The following HECW2 variants were observed in gnomAD, a reference collection of about 807,000 sequenced individuals.
HECW2 encodes HECT, C2 and WW domain containing E3 ubiquitin protein ligase 2.
HECW2 carries 61 observed loss-of-function variants against 175.2 expected under a neutral mutation model. The observed-to-expected ratio is 0.35, with a 90% CI of 0.28 to 0.43. The LOEUF is 0.43. Among genes scored for constraint, HECW2 ranks in the 20% least tolerant of loss-of-function variants. The probability of loss-of-function intolerance (pLI) is 1.00; values close to 1 mark genes in which losing one functional copy is unlikely to be tolerated. For synonymous variants in HECW2, 671 were observed against 731.0 expected (o/e 0.92, Z 1.32); for missense variants, 1,524 against 2,000.5 (o/e 0.76, Z 4.54).
intron 2 of HECW2, among the ~76,000 whole-genome samples, chr2:196,374,812 G>T (rs1007842861): frequency 6.6e-6 from 1 of 151,220 alleles, no homozygotes; most frequent in South Asian, 2.1e-4. Flanking sequence ...ATAGACGTGG[G>T]ATACATCCAG....
intron 2 of HECW2, among the ~76,000 whole-genome samples, chr2:196,420,005 T>C (rs1289025012): frequency 3.9e-5 from 6 of 152,132 alleles, no homozygotes; most frequent in African/African-American, 1.4e-4. Flanking sequence ...GCTAAGAAAA[T>C]GTGATCATTT....
intron 19 of HECW2, among the ~76,000 whole-genome samples, chr2:196,246,069 T>A (rs1015676830): frequency 6.6e-6 from 1 of 152,140 alleles, no homozygotes; most frequent in Non-Finnish European, 1.5e-5. Context: ...GTGAAACACA[T>A]GGGCAGCATC....
intron 1 of HECW2, among the ~76,000 whole-genome samples, chr2:196,580,654 CAAAAAA>C (rs56875271): frequency 1.1e-5 from 1 of 91,970 alleles, no homozygotes; most frequent in African/African-American, 3.6e-5. Context: ...GCTACAATGG[CAAAAAA>C]AAAAAAAAAA....
At chr2:196,444,938 A>G (rs1048579697) in intron 1 of HECW2, among the ~76,000 whole-genome samples, 2 of 152,146 alleles carry the variant, frequency 1.3e-5, no homozygotes, top group Non-Finnish European at 2.9e-5. Flanking sequence ...TCTCCCTGCA[A>G]ATTTATCTAT....
intron 2 of HECW2, among the ~76,000 whole-genome samples, chr2:196,392,469 T>A (rs1694542406): frequency 6.7e-6 from 1 of 150,176 alleles, no homozygotes; most frequent in Non-Finnish European, 1.5e-5. Context: ...TAAGGAAGTG[T>A]GGTACATTAA....
At chr2:196,225,682 A>C (rs772106441) in intron 23 of HECW2, 90 bp downstream of exon 23, 22 of 789,848 alleles carry the variant, frequency 2.8e-5, no homozygotes, top group Non-Finnish European at 4.8e-5. Flanking sequence ...TTGTGAACAG[A>C]TAAACAATGA....
At chr2:196,272,482 G>C (rs1221747875) in intron 16 of HECW2, among the ~76,000 whole-genome samples, 3 of 152,210 alleles carry the variant, frequency 2.0e-5, no homozygotes, top group African/African-American at 4.8e-5. Flanking sequence ...AACTAGGACA[G>C]AGTGTCTAAA....
Position 196,256,739 on chromosome 2 carries a change from G to A in HECW2, c.3419+1084C>T, listed in dbSNP as rs543625914. On this transcript the variant is annotated intron_variant, in intron 18 of 28. Transcript: ENST00000644978. ...ACGTTAATTGACCAGTAGTCTTCCT[G>A]ACCACCTAGCATACTATATGCTGGT... 2.0e-3 allele frequency among the ~76,000 whole-genome samples: 307 copies of A among 152,238 alleles called. No homozygotes were observed. The Middle Eastern group carries it at 0.034, about 17-fold the overall frequency.
chr2:196,208,862 T>C (rs1575221844), intron 28 of HECW2, among the ~76,000 whole-genome samples: 1 of 152,160 alleles, frequency 6.6e-6, no homozygotes, highest in East Asian at 1.9e-4. Flanking sequence ...CTGGATTTTA[T>C]TCTAAGCCAC....
intron 1 of HECW2, among the ~76,000 whole-genome samples, chr2:196,574,434 A>AT (rs1690492269): frequency 6.6e-6 from 1 of 152,108 alleles, no homozygotes; most frequent in Admixed American, 6.6e-5. Context: ...TGTCTCAAGA[A>AT]GAAAAAAAAA....
chr2:196,321,464 T>C (rs1420673263), intron 7 of HECW2, among the ~76,000 whole-genome samples: 2 of 151,036 alleles, frequency 1.3e-5, no homozygotes, highest in East Asian at 1.9e-4. Flanking sequence ...TGGTGCAATG[T>C]TGGCTCACTG....
intron 3 of HECW2, among the ~76,000 whole-genome samples, chr2:196,343,030 T>A (rs996916145): frequency 6.6e-6 from 1 of 151,194 alleles, no homozygotes; most frequent in Non-Finnish European, 1.5e-5. Flanking sequence ...TGTATATGTA[T>A]GTACATGTAA....
Position 196,324,974 on chromosome 2 carries a change from T to A in HECW2, c.741+6A>T, listed in dbSNP as rs1473067795. ...TCAAGTAGGAGACCCCCGAGGATCA[T>A]CTTACCTCTCGGTGCCAAATTGGAT... On this transcript the variant is annotated splice_donor_region_variant and intron_variant, in intron 6 of 28. Transcript: ENST00000644978. 2 of 1,563,136 alleles carry A rather than the reference T, an allele frequency of 1.3e-6. No homozygotes were observed. The highest frequency in any genetic ancestry group is 2.8e-5 in the African/African-American group (2 of 72,620).
At chr2:196,353,607 C>A (rs1003266835) in intron 2 of HECW2, among the ~76,000 whole-genome samples, 3 of 152,100 alleles carry the variant, frequency 2.0e-5, no homozygotes, top group African/African-American at 4.8e-5. Flanking sequence ...GGGGCGAATC[C>A]CTGATGAAAT....
intron 3 of HECW2, among the ~76,000 whole-genome samples, chr2:196,336,618 G>C (rs890142607): frequency 6.6e-6 from 1 of 151,990 alleles, no homozygotes; most frequent in South Asian, 2.1e-4. Context: ...TTTAATAGTC[G>C]ACTAGGTAAC....
intron 1 of HECW2, among the ~76,000 whole-genome samples, chr2:196,454,300 C>A (rs1345763228): frequency 6.6e-6 from 1 of 152,124 alleles, no homozygotes; most frequent in Non-Finnish European, 1.5e-5. Flanking sequence ...TACTATAGAG[C>A]AAAACTATTT....
rs1687614874 is a variant in HECW2 at position 196,220,152 on chromosome 2, A to G, written c.4295T>C (p.Val1432Ala). The G allele has an allele frequency of 6.3e-7, 1 of 1,597,746 alleles. No individual in the cohort carries two copies. Among genetic ancestry groups the G allele is most frequent in the Non-Finnish European group, 8.6e-7 (1 of 1,165,942 alleles). Residue 1432 changes from valine (V) to alanine (A), a missense_variant and splice_region_variant, in exon 26 of 29, where the codon GTG becomes GCG. This residue lies in a region of HECW2 where 134 missense variants were observed against 287.8 expected (regional missense o/e 0.47). Coordinates refer to ENST00000644978, the MANE Select transcript of HECW2 (RefSeq NM_001348768.2). ...TESLVRGFYE[V>A]VDARLVSVFD... ...AACAGATACCAGCCTGGCATCCACC[A>G]CCTGTGGAATAAAAAGAGTACAAGG...
intron 1 of HECW2, among the ~76,000 whole-genome samples, chr2:196,590,826 G>A (rs1691164431): frequency 3.3e-5 from 5 of 152,198 alleles, no homozygotes; most frequent in Admixed American, 1.3e-4. Context: ...TTTTAAAAGA[G>A]TAAGAAAATA....
At chr2:196,206,003 CAAA>C (rs1041737892) in intron 28 of HECW2, among the ~76,000 whole-genome samples, 2 of 151,734 alleles carry the variant, frequency 1.3e-5, no homozygotes, top group Non-Finnish European at 2.9e-5. Flanking sequence ...AGGAAAAAAA[CAAA>C]AAAAATGGCA....
Sources: allele counts gnomAD v4.1 joint callset (sites outside exome capture counted in the v4.1 genomes callset), GRCh38; gene constraint gnomAD v4.1.1; regional missense constraint gnomAD v4.1.1; transcripts MANE v1.5; gene names NCBI Gene and HGNC (gene_info 2026-07-23, HGNC 2026-07-21).